Variants in MYO5B observed in about 807,000 individuals in gnomAD.
The protein encoded by MYO5B is unconventional myosin-Vb.
MYO5B carries 143 observed loss-of-function variants against 229.3 expected under a neutral mutation model. The ratio of observed to expected loss-of-function variants is 0.62; its 90% CI spans 0.54 to 0.72. MYO5B has a LOEUF of 0.72. MYO5B is among the 30% of genes least tolerant of loss of function. The probability of loss-of-function intolerance (pLI) is 0.00; values close to 1 mark genes in which losing one functional copy is unlikely to be tolerated. For missense variants in MYO5B, 2,321 were observed against 2,331.0 expected (o/e 1.00, Z 0.09); for synonymous variants, 918 against 885.2 (o/e 1.04, Z -0.66).
At chr18:50,083,997 T>G (rs2031274716) in intron 1 of MYO5B, among the ~76,000 whole-genome samples, 1 of 152,234 alleles carries the variant, frequency 6.6e-6, no homozygotes, top group Non-Finnish European at 1.5e-5. Context: ...GCTATGTGAC[T>G]CAGGCAAGTC....
chr18:50,098,519 G>T (rs1162432268), intron 1 of MYO5B, among the ~76,000 whole-genome samples: 2 of 152,210 alleles, frequency 1.3e-5, no homozygotes, highest in East Asian at 3.8e-4. Flanking sequence ...ACTTCAAGTA[G>T]CTTACAAACT....
intron 27 of MYO5B, among the ~76,000 whole-genome samples, chr18:49,871,938 C>A (rs536483460): frequency 2.0e-5 from 3 of 152,316 alleles, no homozygotes; most frequent in Admixed American, 1.3e-4. Flanking sequence ...CATATTTTAA[C>A]TGAAATTATA....
chr18:50,145,256 G>A (rs2032481183), intron 1 of MYO5B, among the ~76,000 whole-genome samples: 1 of 152,034 alleles, frequency 6.6e-6, no homozygotes, highest in Non-Finnish European at 1.5e-5. Context: ...GGGAGGCCAA[G>A]GCAGGCAGAT....
At chr18:50,165,784 A>G (rs1194520587) in intron 1 of MYO5B, among the ~76,000 whole-genome samples, 4 of 139,980 alleles carry the variant, frequency 2.9e-5, no homozygotes, top group Non-Finnish European at 6.6e-5. Context: ...TCTGAAAGAA[A>G]AAAAGGAAGG....
chr18:49,904,939 G>A, intron 19 of MYO5B, 111 bp from the exon 20 acceptor site: 1 of 1,333,436 alleles, frequency 7.5e-7, no homozygotes, highest in East Asian at 2.5e-5. Flanking sequence ...GGCCCTACCT[G>A]GACACACCCA....
At chr18:50,186,987 G>A (rs975326644) in intron 1 of MYO5B, among the ~76,000 whole-genome samples, 1 of 152,130 alleles carries the variant, frequency 6.6e-6, no homozygotes, top group Non-Finnish European at 1.5e-5. Flanking sequence ...GGCATCATTT[G>A]CAAGAACCCC....
At chr18:49,996,328 ACTTAGAGAAATT>A (rs954309450) in intron 5 of MYO5B, among the ~76,000 whole-genome samples, 1 of 152,224 alleles carries the variant, frequency 6.6e-6, no homozygotes, top group African/African-American at 2.4e-5. Flanking sequence ...TCTAGGTGTT[ACTTAGAGAAATT>A]CTCACATAAT....
chr18:49,871,585 G>A (rs2024456491), intron 27 of MYO5B: 1 of 157,684 alleles, frequency 6.3e-6, no homozygotes, highest in Non-Finnish European at 1.4e-5. Context: ...CAGTAAGACA[G>A]GGGAAGGAAT....
intron 14 of MYO5B, 126 bp from the exon 15 acceptor site, chr18:49,937,523 C>CAA: frequency 9.1e-7 from 1 of 1,101,432 alleles, no homozygotes; most frequent in Non-Finnish European, 1.3e-6. Flanking sequence ...AACCCACACA[C>CAA]CAACCTGCAC....
chr18:49,906,902 G>A (rs140619819), intron 18 of MYO5B, among the ~76,000 whole-genome samples: 262 of 152,296 alleles, frequency 1.7e-3, no homozygotes, highest in African/African-American at 6.1e-3. Flanking sequence ...GATGCTTTCC[G>A]TTTTCAGAGA....
intron 32 of MYO5B, among the ~76,000 whole-genome samples, chr18:49,848,242 G>C (rs576615248): frequency 6.6e-6 from 1 of 152,210 alleles, no homozygotes; most frequent in Non-Finnish European, 1.5e-5. Flanking sequence ...TGTGATGTGG[G>C]TGCTGGTGGT....
chr18:50,001,365 C>T lies in MYO5B; in HGVS notation c.502G>A (p.Gly168Arg), dbSNP rs1324907355. The change falls in exon 5 of 40, where the codon GGG becomes AGG. Residue 168 changes from glycine (G) to arginine (R), a missense_variant. This residue lies in a region of MYO5B where 2,113 missense variants were observed against 2,044.7 expected (regional missense o/e 1.03). Transcript: ENST00000285039. ...SIIVSGESGA[G>R]KTVSAKYAMR... Reference sequence around the variant, plus strand: ...GCATACTTGGCTGATACCGTCTTCCCGGCTCCAGACTCCCCACTGACTATG... The same window carrying T: ...GCATACTTGGCTGATACCGTCTTCCTGGCTCCAGACTCCCCACTGACTATG... The T allele has an allele frequency of 5.0e-6, 8 of 1,614,028 alleles. No individual in the cohort carries two copies. Among genetic ancestry groups the T allele is most frequent in the East Asian group, 2.2e-5 (1 of 44,876 alleles).
intron 1 of MYO5B, among the ~76,000 whole-genome samples, chr18:50,075,876 A>G (rs865996810): frequency 2.6e-5 from 4 of 152,224 alleles, no homozygotes; most frequent in African/African-American, 4.8e-5. Flanking sequence ...CAAAAGAAGT[A>G]TCAGTGGCAA....
chr18:50,007,427 T>C (rs1305582700), intron 4 of MYO5B, among the ~76,000 whole-genome samples: 1 of 152,140 alleles, frequency 6.6e-6, no homozygotes, highest in Non-Finnish European at 1.5e-5. Context: ...CAGCCTGTAC[T>C]CTCCTCCTCC....
At chr18:50,035,009 C>A (rs979102168) in intron 4 of MYO5B, among the ~76,000 whole-genome samples, 1 of 152,184 alleles carries the variant, frequency 6.6e-6, no homozygotes, top group Non-Finnish European at 1.5e-5. Flanking sequence ...GTATCACACC[C>A]ATCACCCCAG....
At chr18:49,897,313 T>A (rs2024789960) in intron 21 of MYO5B, among the ~76,000 whole-genome samples, 1 of 152,172 alleles carries the variant, frequency 6.6e-6, no homozygotes, top group South Asian at 2.1e-4. Context: ...GTTACTGCCC[T>A]GAAGACCTTC....
chr18:49,951,058 T>C (rs575651311), intron 14 of MYO5B, among the ~76,000 whole-genome samples: 4 of 152,326 alleles, frequency 2.6e-5, no homozygotes, highest in East Asian at 3.9e-4. Flanking sequence ...ATAAAAACCC[T>C]GGCCGCCTGG....
intron 1 of MYO5B, among the ~76,000 whole-genome samples, chr18:50,074,883 T>C (rs1408516906): frequency 6.6e-6 from 1 of 152,080 alleles, no homozygotes; most frequent in African/African-American, 2.4e-5. Flanking sequence ...TGCAGTGGCA[T>C]GATCTCAGCT....
At chr18:50,096,731 A>G (rs941695157) in intron 1 of MYO5B, among the ~76,000 whole-genome samples, 15 of 152,138 alleles carry the variant, frequency 9.9e-5, no homozygotes, top group Non-Finnish European at 8.8e-5. Context: ...CTCTTAAAAA[A>G]TCATCATCAC....
Sources: gnomAD v4.1 joint callset for allele counts (sites outside exome capture counted in the v4.1 genomes callset) on GRCh38, gnomAD v4.1.1 for gene constraint, gnomAD v4.1.1 regional missense constraint, MANE v1.5 for transcripts, NCBI Gene and HGNC (gene_info 2026-07-23, HGNC 2026-07-21) for gene names.